IQGAP3: variants seen among roughly 807,000 people sequenced by gnomAD.
IQGAP3 encodes the protein IQ motif containing GTPase activating protein 3, also known as ras GTPase-activating-like protein IQGAP3.
IQGAP3 carries 165 observed loss-of-function variants against 208.2 expected under a neutral mutation model. The observed-to-expected ratio is 0.79, with a 90% CI of 0.70 to 0.90. The LOEUF is 0.90. Ranked by LOEUF, IQGAP3 falls within the 40% of genes least tolerant of loss-of-function variation. IQGAP3 has a pLI of 0.00. For missense variants in IQGAP3, 1,811 were observed against 2,043.1 expected (o/e 0.89, Z 2.19); for synonymous variants, 703 against 803.6 (o/e 0.87, Z 2.12).
intron 17 of IQGAP3, 33 bp downstream of exon 17, chr1:156,548,548 C>T: frequency 6.3e-7 from 1 of 1,598,220 alleles, no homozygotes; most frequent in South Asian, 1.1e-5. Context: ...CTGGGGCAGG[C>T]AGCGAAGAGG....
In IQGAP3 at chr1:156,540,729, C is replaced by T; in HGVS notation, c.2718G>A (p.Val906=). 6.2e-7 allele frequency: 1 copy of T among 1,614,086 alleles called. No individual in the cohort carries two copies. Among genetic ancestry groups the T allele is most frequent in the Non-Finnish European group, 8.5e-7 (1 of 1,180,022 alleles). ...ATACCTGCAGAGTGATCCGGTTCTTCACCAGCAGGCCAATCTTGATGTCCA... is the reference window on the plus strand; with the variant it reads ...ATACCTGCAGAGTGATCCGGTTCTTTACCAGCAGGCCAATCTTGATGTCCA... ...NIMDIKIGLL[V]KNRITLQEVV... The change falls in exon 23 of 38, where the codon GTG becomes GTA. Residue 906 remains valine (V), a synonymous_variant. Coordinates refer to ENST00000361170, the MANE Select transcript of IQGAP3 (RefSeq NM_178229.5).
intron 13 of IQGAP3, among the ~76,000 whole-genome samples, chr1:156,553,271 C>A (rs1374427898): frequency 1.3e-5 from 2 of 152,220 alleles, no homozygotes; most frequent in Non-Finnish European, 2.9e-5. Context: ...AAACCAGAGT[C>A]CTACGTGGTC....
intron 29 of IQGAP3, 130 bp downstream of exon 29, chr1:156,534,371 C>A (rs1482188743): frequency 1.3e-5 from 12 of 906,808 alleles, no homozygotes. Context: ...ACAACCTATC[C>A]TCCACCCCGC....
chr1:156,527,826 T>C, intron 37 of IQGAP3, 126 bp downstream of exon 37: 2 of 655,898 alleles, frequency 3.0e-6, no homozygotes, highest in Admixed American at 2.5e-5. Flanking sequence ...GAACAGACGA[T>C]ACTGATTGGG....
chr1:156,563,697 G>A, intron 6 of IQGAP3, 31 bp from the exon 7 acceptor site: 1 of 1,609,530 alleles, frequency 6.2e-7, no homozygotes, highest in Non-Finnish European at 8.5e-7. Flanking sequence ...CCCTTCATCA[G>A]GCCCAGAACC....
chr1:156,528,199 A>C, intron 36 of IQGAP3, 139 bp from the exon 37 acceptor site: 1 of 673,348 alleles, frequency 1.5e-6, no homozygotes, highest in Non-Finnish European at 2.6e-6. Context: ...CAGAGGGCCC[A>C]GCTCGCTGTC....
chr1:156,559,483 A>G (rs996225128), intron 11 of IQGAP3, among the ~76,000 whole-genome samples: 3 of 152,192 alleles, frequency 2.0e-5, no homozygotes, highest in African/African-American at 7.2e-5. Context: ...AAGGATACCA[A>G]AGTACCTACA....
intron 36 of IQGAP3, 55 bp downstream of exon 36, chr1:156,528,453 AC>A (rs1363067319): frequency 2.3e-6 from 3 of 1,318,742 alleles, no homozygotes; most frequent in Non-Finnish European, 3.3e-6. Flanking sequence ...CCAGAGCTCC[AC>A]CCCCAGGTTA....
chr1:156,526,760 G>A (rs1189719869), intron 37 of IQGAP3, among the ~76,000 whole-genome samples, 161 bp from the exon 38 acceptor site: 1 of 152,156 alleles, frequency 6.6e-6, no homozygotes, highest in Admixed American at 6.5e-5. Flanking sequence ...AGGAAACTGA[G>A]GCAAGAGAGG....
chr1:156,546,117 T>C (rs560088192), intron 19 of IQGAP3, among the ~76,000 whole-genome samples: 9 of 152,272 alleles, frequency 5.9e-5, no homozygotes, highest in Admixed American at 2.0e-4. Flanking sequence ...GACTGGAAAG[T>C]TGCTGTGGGA....
chr1:156,551,952 C>T (rs756710924), intron 14 of IQGAP3, 22 bp downstream of exon 14: 1 of 1,584,956 alleles, frequency 6.3e-7, no homozygotes, highest in East Asian at 2.2e-5. Context: ...GCCATCTCCA[C>T]CCAGCTCCAG....
In IQGAP3 at chr1:156,554,342, C is replaced by T. The variant is rs777764041; in HGVS notation, c.1341G>A (p.Val447=). The part of the protein sequence containing the change: ...LFVAVEMLSA[V]VLINRALEAR... ...CCTCCAGGGCCCGGTTAATCAGGAC[C>T]ACAGCTGAGAGCATCTCCACAGCCA... The change falls in exon 13 of 38, where the codon GTG becomes GTA. Residue 447 remains valine (V), a synonymous_variant. Coordinates refer to ENST00000361170, the MANE Select transcript of IQGAP3 (RefSeq NM_178229.5). 1.1e-5 allele frequency: 17 copies of T among 1,613,868 alleles called. No homozygotes were observed. Among genetic ancestry groups the T allele is most frequent in the Non-Finnish European group, 8.5e-7 (1 of 1,179,964 alleles).
intron 16 of IQGAP3, among the ~76,000 whole-genome samples, chr1:156,549,422 G>A (rs1256285593): frequency 7.1e-6 from 1 of 140,554 alleles, no homozygotes. Context: ...AGTGAGCCAA[G>A]ATTATACCAC....
At chr1:156,566,191 G>A (rs1676391877) in intron 3 of IQGAP3, 87 bp from the exon 4 acceptor site, 1 of 1,344,538 alleles carries the variant, frequency 7.4e-7, no homozygotes, top group South Asian at 1.2e-5. Context: ...AAAGATTCAG[G>A]AGAGATGGGC....
At chr1:156,562,222 T>C (rs937384773) in intron 9 of IQGAP3, among the ~76,000 whole-genome samples, 5 of 151,780 alleles carry the variant, frequency 3.3e-5, no homozygotes, top group East Asian at 1.9e-4. Flanking sequence ...CTCACCCAAA[T>C]AGGCAAATGC....
In IQGAP3 at chr1:156,556,641, A is replaced by T; in HGVS notation, c.1182T>A (p.Ala394=). Residue 394 remains alanine (A), a synonymous_variant, in exon 12 of 38, where the codon GCT becomes GCA. Coordinates refer to ENST00000361170, the MANE Select transcript of IQGAP3 (RefSeq NM_178229.5). ...INKAIRRRVA[A]DTVKELMCPE... is the part of the protein sequence containing the mutation. Reference sequence around the variant, plus strand: ...GGCACATCAGCTCCTTCACAGTGTCAGCCGCCACTCTCCTCCGGATGGCTT... The same window carrying T: ...GGCACATCAGCTCCTTCACAGTGTCTGCCGCCACTCTCCTCCGGATGGCTT... 1.2e-6 allele frequency: 2 copies of T among 1,608,736 alleles called. No individual in the cohort carries two copies.
intron 26 of IQGAP3, 88 bp downstream of exon 26, chr1:156,538,721 C>T (rs1200981562): frequency 2.7e-6 from 3 of 1,109,940 alleles, no homozygotes; most frequent in East Asian, 2.4e-5. Flanking sequence ...CTTCAAAGTA[C>T]ACCCAAGCTT....
chr1:156,564,071 C>T (rs931856178), intron 5 of IQGAP3, among the ~76,000 whole-genome samples: 1 of 152,108 alleles, frequency 6.6e-6, no homozygotes, highest in Non-Finnish European at 1.5e-5. Flanking sequence ...GAGAAGGCCA[C>T]ATTGCAGTAG....
chr1:156,533,961 C>G (rs752107802), intron 30 of IQGAP3, 48 bp downstream of exon 30: 1 of 1,610,676 alleles, frequency 6.2e-7, no homozygotes, highest in Non-Finnish European at 8.5e-7. Flanking sequence ...CACAGGCTAC[C>G]AAACCCTTGC....
Sources: gnomAD v4.1 joint callset for allele counts (sites outside exome capture counted in the v4.1 genomes callset) on GRCh38, gnomAD v4.1.1 for gene constraint, MANE v1.5 for transcripts, NCBI Gene and HGNC (gene_info 2026-07-23, HGNC 2026-07-21) for gene names.